The following B4GALNT3 variants were observed in gnomAD, a reference collection of about 807,000 sequenced individuals.
The protein encoded by B4GALNT3 is beta-1,4-N-acetylgalactosaminyltransferase 3.
B4GALNT3 carries 86 observed loss-of-function variants against 120.2 expected under a neutral mutation model. That is an observed-to-expected ratio of 0.72 (90% CI 0.60 to 0.86). The LOEUF (loss-of-function observed/expected upper bound fraction) is 0.86, where lower values mean the gene tolerates loss of function less well. Ranked by LOEUF, B4GALNT3 falls within the 40% of genes least tolerant of loss-of-function variation. The probability of loss-of-function intolerance (pLI) is 0.00; values close to 1 mark genes in which losing one functional copy is unlikely to be tolerated. For missense variants in B4GALNT3, 1,167 were observed against 1,298.9 expected, an observed-to-expected ratio of 0.90 and a Z score of 1.56; for synonymous variants, 518 against 510.4, an observed-to-expected ratio of 1.01 and a Z score of -0.20.
intron 1 of B4GALNT3, among the ~76,000 whole-genome samples, chr12:486,205 C>CTTTTTTT (rs59345776): frequency 2.0e-5 from 2 of 97,990 alleles, no homozygotes; most frequent in Non-Finnish European, 2.0e-5. Context: ...CCAAAATATT[C>CTTTTTTT]TTTTTTTTTT....
chr12:497,058 C>T (rs1193141660), intron 1 of B4GALNT3, among the ~76,000 whole-genome samples: 5 of 152,156 alleles, frequency 3.3e-5, no homozygotes, highest in South Asian at 2.1e-4. Context: ...TGGTCTCAAA[C>T]GCCTGGCCTC....
intron 3 of B4GALNT3, among the ~76,000 whole-genome samples, chr12:539,534 TAAAA>T (rs561171166): frequency 1.5e-5 from 2 of 136,708 alleles, no homozygotes; most frequent in African/African-American, 2.7e-5. Flanking sequence ...GCCTTTCCTT[TAAAA>T]AAAAAAAAAA....
At chr12:555,566 T>C (rs1271638251) in intron 14 of B4GALNT3, 1 of 342,862 alleles carries the variant, frequency 2.9e-6, no homozygotes, top group East Asian at 8.2e-5. Flanking sequence ...CAAGCTTTTA[T>C]GTGAACATAC....
chr12:552,262 A>G (rs1947091708), intron 12 of B4GALNT3, 99 bp downstream of exon 12: 2 of 1,090,244 alleles, frequency 1.8e-6, no homozygotes, highest in Admixed American at 3.7e-5. Flanking sequence ...ACCCCAGCCC[A>G]AAGTCTTTGC....
chr12:512,489 C>G (rs1946595466), intron 1 of B4GALNT3, among the ~76,000 whole-genome samples: 1 of 147,570 alleles, frequency 6.8e-6, no homozygotes, highest in Non-Finnish European at 1.5e-5. Context: ...CCACCTTCCG[C>G]CTTCCACCTT....
chr12:505,012 T>C (rs1042294979), intron 1 of B4GALNT3, among the ~76,000 whole-genome samples: 1 of 151,944 alleles, frequency 6.6e-6, no homozygotes, highest in Admixed American at 6.6e-5. Flanking sequence ...TGCCTCAGCC[T>C]CCCGAGTAGC....
At chr12:504,812 A>C (rs1946480766) in intron 1 of B4GALNT3, among the ~76,000 whole-genome samples, 1 of 151,338 alleles carries the variant, frequency 6.6e-6, no homozygotes, top group Non-Finnish European at 1.5e-5. Flanking sequence ...AATTCCCTTA[A>C]CCCTTCTGTC....
rs1947239117 is a variant in B4GALNT3, at chr12:562,230, A to ACAGG, written c.*784_*787dup. ...GGCACTGGACATTGAGGCCTGCAGA[A>ACAGG]CAGGCAGGGTGATGAAGGCAGGGGA... On this transcript the variant is annotated 3_prime_UTR_variant, in exon 20 of 20. Coordinates refer to ENST00000266383, the MANE Select transcript of B4GALNT3 (RefSeq NM_173593.4). This position sits in a 1 kb window ranked among gnomAD's most constrained non-coding sequence, Gnocchi z 5.2. 1 of 152,342 alleles carries ACAGG rather than the reference A, an allele frequency of 6.6e-6. No individual in the cohort carries two copies. Among genetic ancestry groups the ACAGG allele is most frequent in the Admixed American group, 6.5e-5 (1 of 15,288 alleles). 9.4% of individuals were successfully genotyped at this position (152,342 alleles called of 1,614,324 possible).
At chr12:504,450 C>T (rs573687150) in intron 1 of B4GALNT3, among the ~76,000 whole-genome samples, 22 of 110,940 alleles carry the variant, frequency 2.0e-4, no homozygotes, top group Non-Finnish European at 3.6e-4. Flanking sequence ...CCCGCAGCCG[C>T]CCCCCCGCCC....
intron 3 of B4GALNT3, among the ~76,000 whole-genome samples, chr12:539,281 C>A (rs1347959922): frequency 6.6e-6 from 1 of 152,224 alleles, no homozygotes; most frequent in African/African-American, 2.4e-5. Context: ...CGCTCATTAA[C>A]AAACCCCAGT....
intron 1 of B4GALNT3, among the ~76,000 whole-genome samples, chr12:511,272 T>A (rs57799088): frequency 7.3e-6 from 1 of 136,550 alleles, no homozygotes. Flanking sequence ...GCCTTCCACC[T>A]TCGACCTTCT....
At chr12:545,719 C>A (rs564548687) in intron 6 of B4GALNT3, among the ~76,000 whole-genome samples, 16 of 56,240 alleles carry the variant, frequency 2.8e-4, no homozygotes, top group Admixed American at 7.9e-4. Context: ...TGGGGAGGAG[C>A]GAGGTGTGGG....
intron 14 of B4GALNT3, among the ~76,000 whole-genome samples, chr12:554,833 T>A (rs1947134237): frequency 6.7e-6 from 1 of 148,740 alleles, no homozygotes; most frequent in Admixed American, 6.7e-5. Context: ...TTTACAGTGT[T>A]GTGCAAGCAT....
In B4GALNT3 at chr12:558,992, A is replaced by G. The variant is rs570633124; in HGVS notation, c.2762-303A>G. 5.9e-5 allele frequency among the ~76,000 whole-genome samples: 9 copies of G among 152,064 alleles called. No individual in the cohort carries two copies. In the South Asian group the frequency reaches 1.9e-3, roughly 32 times the overall value. ...AAAGGTAGCCTCCCTGCCTGTGGAA[A>G]GGGAAACGGACATGTAAACTGACAC... On this transcript the variant is annotated intron_variant, in intron 18 of 19. Transcript: ENST00000266383.
At chr12:500,979 T>TGCCTCA (rs771725057) in intron 1 of B4GALNT3, among the ~76,000 whole-genome samples, 69 of 148,288 alleles carry the variant, frequency 4.7e-4, no homozygotes, top group Admixed American at 6.2e-4. Context: ...GCGATTCTCC[T>TGCCTCA]GCCTCAGCCT....
rs577196209 is a variant in B4GALNT3, at chr12:467,364, G to T, written c.169+6819G>T. Among the ~76,000 whole-genome samples the T allele has an allele frequency of 4.6e-5, 7 of 152,268 alleles. No homozygotes were observed. The East Asian group carries it at 9.6e-4, about 21-fold the overall frequency. On this transcript the variant is annotated intron_variant, in intron 1 of 19. Transcript: ENST00000266383. ...ACTTGAGGTCAGGAGTTCGAGACCAGCCCGGCCAACATGATGAAAGCCCAT... is the reference window on the plus strand; with the variant it reads ...ACTTGAGGTCAGGAGTTCGAGACCATCCCGGCCAACATGATGAAAGCCCAT...
At position 550,649 on chromosome 12, in the gene B4GALNT3, A is replaced by G. The variant is rs1947070816; in HGVS notation, c.998-273A>G. Among the ~76,000 whole-genome samples, 2 of 152,086 alleles carry G rather than the reference A, an allele frequency of 1.3e-5. No individual in the cohort carries two copies. Among genetic ancestry groups the G allele is most frequent in the Admixed American group, 6.5e-5 (1 of 15,270 alleles). ...CTTCTGGCCTCTTAGAAGTTTCTAG[A>G]CCTTATTGAGGCTATCCCTGCACAG... On this transcript the variant is annotated intron_variant, in intron 10 of 19. Transcript: ENST00000266383. This position sits in a 1 kb window ranked among gnomAD's most constrained non-coding sequence, Gnocchi z 4.1.
intron 1 of B4GALNT3, among the ~76,000 whole-genome samples, chr12:503,232 C>T (rs1269921158): frequency 6.6e-6 from 1 of 152,142 alleles, no homozygotes; most frequent in African/African-American, 2.4e-5. Context: ...ACCACAGCCT[C>T]CCTGGTTTAC....
chr12:519,597 CTT>C (rs33954082), intron 1 of B4GALNT3, among the ~76,000 whole-genome samples: 5 of 134,166 alleles, frequency 3.7e-5, no homozygotes, highest in Admixed American at 1.5e-4. Flanking sequence ...TTCCTTTCTG[CTT>C]TTTTTTTTTT....
Sources: gnomAD v4.1 joint callset for allele counts (sites outside exome capture counted in the v4.1 genomes callset) on GRCh38, gnomAD v4.1.1 for gene constraint, Gnocchi (gnomAD v3.1) non-coding constraint, MANE v1.5 for transcripts, NCBI Gene and HGNC (gene_info 2026-07-23, HGNC 2026-07-21) for gene names.